The following PLCB1 variants were observed in gnomAD, a reference collection of about 807,000 sequenced individuals.
The protein encoded by PLCB1 is phospholipase C beta 1, also known as 1-phosphatidylinositol 4,5-bisphosphate phosphodiesterase beta-1.
A neutral mutation model predicts 161.8 loss-of-function variants in PLCB1; 46 were observed. The ratio of observed to expected loss-of-function variants is 0.28; its 90% confidence interval spans 0.22 to 0.36. The LOEUF (loss-of-function observed/expected upper bound fraction) is 0.36, where lower values mean the gene tolerates loss of function less well. PLCB1 is among the 10% of genes least tolerant of loss of function. PLCB1 has a pLI of 1.00. For synonymous variants in PLCB1, 517 were observed against 503.7 expected, an observed-to-expected ratio of 1.03 and a Z score of -0.35; for missense variants, 1,016 against 1,472.5, an observed-to-expected ratio of 0.69 and a Z score of 5.07.
At position 8,632,035 on chromosome 20, in the gene PLCB1, C is replaced by CTTTTTTTTTT. The variant is rs34028351; in HGVS notation, c.384+3627_384+3636dup. On this transcript the variant is annotated intron_variant, in intron 4 of 31. Coordinates refer to ENST00000338037, the MANE Select transcript of PLCB1 (RefSeq NM_015192.4). ...AGGAGACAAATATGGGTTTTTTTTG[C>CTTTTTTTTTT]TTTTTTTTTTTTTTTTTTTTTTTTT... 1.0e-3 allele frequency among the ~76,000 whole-genome samples: 47 copies of CTTTTTTTTTT among 45,988 alleles called. 10 individuals are homozygous for CTTTTTTTTTT. Among genetic ancestry groups the CTTTTTTTTTT allele is most frequent in the East Asian group, 6.2e-3 (8 of 1,294 alleles). The allele number at this position is 45,988 out of a possible 152,430, so 30.2% of individuals were successfully genotyped here. A position where few individuals can be genotyped will look rare whatever the true frequency, so the allele number is the denominator to read the frequency against.
At chr20:8,413,058 A>G (rs1354772277) in intron 3 of PLCB1, among the ~76,000 whole-genome samples, 1 of 151,894 alleles carries the variant, frequency 6.6e-6, no homozygotes, top group African/African-American at 2.4e-5. Context: ...TTTGCTAAAG[A>G]CTTTGACCAA....
At chr20:8,290,905 T>C (rs996512008) in intron 2 of PLCB1, among the ~76,000 whole-genome samples, 8 of 152,000 alleles carry the variant, frequency 5.3e-5, no homozygotes, top group African/African-American at 1.4e-4. Context: ...AACTATAAAT[T>C]ATATAAATTA....
chr20:8,822,839 T>C (rs1236246126), intron 31 of PLCB1, among the ~76,000 whole-genome samples: 1 of 152,194 alleles, frequency 6.6e-6, no homozygotes, highest in East Asian at 1.9e-4. Context: ...AGAACAGAGA[T>C]ATCTCTATAA....
chr20:8,398,794 C>CT (rs746519059), intron 3 of PLCB1, among the ~76,000 whole-genome samples: 3 of 151,720 alleles, frequency 2.0e-5, no homozygotes, highest in African/African-American at 4.8e-5. Flanking sequence ...GTATTTCGTC[C>CT]TTTTTTTCTC....
chr20:8,601,871 C>T (rs1208985369), intron 3 of PLCB1, among the ~76,000 whole-genome samples: 1 of 152,194 alleles, frequency 6.6e-6, no homozygotes, highest in African/African-American at 2.4e-5. Context: ...ATGATCTCCC[C>T]TTGTTTTGAG....
intron 31 of PLCB1, among the ~76,000 whole-genome samples, chr20:8,865,814 T>G (rs1987409479): frequency 6.6e-6 from 1 of 152,204 alleles, no homozygotes; most frequent in Non-Finnish European, 1.5e-5. Flanking sequence ...TTGTAAACAT[T>G]GTCCTTGGAT....
intron 3 of PLCB1, among the ~76,000 whole-genome samples, chr20:8,595,365 C>G (rs1487499198): frequency 7.1e-6 from 1 of 141,128 alleles, no homozygotes; most frequent in Non-Finnish European, 1.5e-5. Context: ...GTTTTTTGTT[C>G]TTGCGATAGT....
chr20:8,546,502 T>G (rs2122976793), intron 3 of PLCB1, among the ~76,000 whole-genome samples: 1 of 152,190 alleles, frequency 6.6e-6, no homozygotes, highest in East Asian at 1.9e-4. Context: ...TAGATTTTTC[T>G]TATACTACCA....
chr20:8,473,090 C>T (rs372541870), intron 3 of PLCB1, among the ~76,000 whole-genome samples: 1 of 152,150 alleles, frequency 6.6e-6, no homozygotes, highest in African/African-American at 2.4e-5. Context: ...AGCTCTAACT[C>T]TGTGAGCTAG....
chr20:8,681,554 T>A (rs1990221435), intron 9 of PLCB1, among the ~76,000 whole-genome samples: 1 of 152,202 alleles, frequency 6.6e-6, no homozygotes, highest in Non-Finnish European at 1.5e-5. Context: ...ATTGCACAGT[T>A]ATTTTATTGC....
chr20:8,426,480 G>A (rs532646354), intron 3 of PLCB1, among the ~76,000 whole-genome samples: 1 of 152,264 alleles, frequency 6.6e-6, no homozygotes, highest in East Asian at 1.9e-4. Flanking sequence ...TTTCCATTGA[G>A]GTTTCAGCTA....
At chr20:8,634,137 G>C (rs1988687675) in intron 4 of PLCB1, among the ~76,000 whole-genome samples, 1 of 152,144 alleles carries the variant, frequency 6.6e-6, no homozygotes, top group Non-Finnish European at 1.5e-5. Flanking sequence ...GTACTGCTTT[G>C]ATAGATACTG....
intron 2 of PLCB1, among the ~76,000 whole-genome samples, chr20:8,353,820 G>T (rs1434304665): frequency 6.6e-6 from 1 of 152,090 alleles, no homozygotes; most frequent in African/African-American, 2.4e-5. Context: ...GAAAAGGACA[G>T]TAGGTCAAAA....
At chr20:8,878,085 ATAAT>A (rs1284134940) in intron 31 of PLCB1, among the ~76,000 whole-genome samples, 2 of 152,192 alleles carry the variant, frequency 1.3e-5, no homozygotes, top group African/African-American at 2.4e-5. Context: ...TCTTTTGTTA[ATAAT>A]TAAAGAAATA....
At chr20:8,346,006 G>T (rs1217193162) in intron 2 of PLCB1, among the ~76,000 whole-genome samples, 1 of 152,180 alleles carries the variant, frequency 6.6e-6, no homozygotes, top group East Asian at 1.9e-4. Flanking sequence ...AAGTAAAGAG[G>T]CCAAGGATAT....
Position 8,657,100 on chromosome 20 carries a change from A to G in PLCB1, c.595-84A>G, listed in dbSNP as rs1323910253. On this transcript the variant is annotated intron_variant, in intron 7 of 31. Coordinates refer to ENST00000338037, the MANE Select transcript of PLCB1 (RefSeq NM_015192.4). ...AAGGGGGGAAGAAAAGAAAGGAGAGAAAAGAAGACAGAGAAAAAACAGGGA... is the reference window on the plus strand; with the variant it reads ...AAGGGGGGAAGAAAAGAAAGGAGAGGAAAGAAGACAGAGAAAAAACAGGGA... The G allele has an allele frequency of 5.1e-6, 4 of 779,974 alleles. No homozygotes were observed. The Admixed American group carries it at 5.4e-5, about 11-fold the overall frequency. The allele number at this position is 779,974 out of a possible 1,614,324, so 48.3% of individuals were successfully genotyped here. A position where few individuals can be genotyped will look rare whatever the true frequency, so the allele number is the denominator to read the frequency against.
chr20:8,600,393 C>T (rs1197716624), intron 3 of PLCB1, among the ~76,000 whole-genome samples: 2 of 131,944 alleles, frequency 1.5e-5, no homozygotes, highest in Admixed American at 7.3e-5. Context: ...CTGGGGGGTG[C>T]CTCCCAGTTA....
chr20:8,525,950 A>T (rs889780188), intron 3 of PLCB1, among the ~76,000 whole-genome samples: 5 of 152,086 alleles, frequency 3.3e-5, no homozygotes, highest in African/African-American at 1.2e-4. Context: ...AAGCATCAGC[A>T]TACTTGAAGC....
At position 8,573,574 on chromosome 20, in the gene PLCB1, A is replaced by T. The variant is rs150396535; in HGVS notation, c.247-54720A>T. ...TGTCATGCTACTACCATCAACAGGG[A>T]CAAGAGGTCCCAATTATTCACATTC... On this transcript the variant is annotated intron_variant, in intron 3 of 31. Coordinates refer to ENST00000338037, the MANE Select transcript of PLCB1 (RefSeq NM_015192.4). Among the ~76,000 whole-genome samples the T allele has an allele frequency of 4.4e-4, 67 of 152,348 alleles. No homozygotes were observed. In the East Asian group the frequency reaches 0.012, roughly 27 times the overall value.
Sources: gnomAD v4.1 joint callset for allele counts (sites outside exome capture counted in the v4.1 genomes callset) on GRCh38, gnomAD v4.1.1 for gene constraint, MANE v1.5 for transcripts, NCBI Gene and HGNC (gene_info 2026-07-23, HGNC 2026-07-21) for gene names.